FREM1: variants seen among roughly 807,000 people sequenced by gnomAD.
The protein encoded by FREM1 is FRAS1-related extracellular matrix protein 1.
In FREM1, 220 loss-of-function variants were observed where a neutral mutation model predicts 210.1. The ratio of observed to expected loss-of-function variants is 1.05; its 90% confidence interval spans 0.94 to 1.17. FREM1 has a LOEUF of 1.17. FREM1 is among the 50% of genes most tolerant of loss of function. The probability of loss-of-function intolerance (pLI) is 0.00; values close to 1 mark genes in which losing one functional copy is unlikely to be tolerated. For missense variants in FREM1, 3,454 were observed against 2,675.5 expected, an observed-to-expected ratio of 1.29 and a Z score of -6.42; for synonymous variants, 1,189 against 980.2, an observed-to-expected ratio of 1.21 and a Z score of -3.98.
chr9:14,860,845 A>ATATATACGTATATACGTATATATACG, intron 3 of FREM1, among the ~76,000 whole-genome samples: 1 of 84,936 alleles, frequency 1.2e-5, no homozygotes. Context: ...GTATATATAC[A>ATATATACGTATATACGTATATATACG]TATATACGTA....
At chr9:14,799,075 T>A (rs147992549) in intron 20 of FREM1, among the ~76,000 whole-genome samples, 2 of 151,456 alleles carry the variant, frequency 1.3e-5, no homozygotes, top group Non-Finnish European at 2.9e-5. Context: ...GCCCAGGAGT[T>A]CGAGACCAGC....
intron 1 of FREM1, among the ~76,000 whole-genome samples, chr9:14,906,175 A>G (rs1426588425): frequency 6.6e-6 from 1 of 152,262 alleles, no homozygotes; most frequent in Non-Finnish European, 1.5e-5. Flanking sequence ...TGAGGTAAGT[A>G]TCAATGACCT....
chr9:14,824,753 G>T (rs756703007), intron 11 of FREM1, 43 bp downstream of exon 11: 6 of 1,375,514 alleles, frequency 4.4e-6, no homozygotes, highest in Non-Finnish European at 3.1e-6. Context: ...TTTCAACTTT[G>T]CAATCCTAGA....
chr9:14,838,376 G>A (rs1299058549), intron 10 of FREM1, among the ~76,000 whole-genome samples: 2 of 152,124 alleles, frequency 1.3e-5, no homozygotes, highest in Non-Finnish European at 2.9e-5. Context: ...GACATGACTA[G>A]ATACTTGTCC....
At chr9:14,740,820 A>G (rs900072764) in intron 35 of FREM1, among the ~76,000 whole-genome samples, 3 of 152,170 alleles carry the variant, frequency 2.0e-5, no homozygotes, top group African/African-American at 7.2e-5. Context: ...CATATGTAAA[A>G]TATTTTTCAC....
At chr9:14,874,284 A>C (rs1833276843) in intron 1 of FREM1, among the ~76,000 whole-genome samples, 2 of 151,564 alleles carry the variant, frequency 1.3e-5, no homozygotes, top group Non-Finnish European at 2.9e-5. Context: ...GTCTCCCATT[A>C]TTATTGTGTG....
intron 24 of FREM1, among the ~76,000 whole-genome samples, chr9:14,779,101 T>C (rs1274766130): frequency 2.0e-5 from 3 of 152,140 alleles, no homozygotes; most frequent in Admixed American, 6.5e-5. Context: ...GATCCTATCA[T>C]CTGACCCACA....
At chr9:14,756,323 A>AC (rs910401390) in intron 29 of FREM1, 51 bp downstream of exon 29, 2 of 1,420,852 alleles carry the variant, frequency 1.4e-6, no homozygotes, top group African/African-American at 1.4e-5. Context: ...ATGCCTACAA[A>AC]AAAAAACAAA....
chr9:14,776,397 C>G lies in FREM1; in HGVS notation c.4443-194G>C, dbSNP rs1346797996. 7 of 502,780 alleles carry G rather than the reference C, an allele frequency of 1.4e-5. No homozygotes were observed. In the East Asian group the frequency reaches 2.1e-4, roughly 15 times the overall value. 31.1% of individuals were successfully genotyped at this position (502,780 alleles called of 1,614,324 possible). A position where few individuals can be genotyped will look rare whatever the true frequency, so the allele number is the denominator to read the frequency against. Reference sequence around the variant, plus strand: ...TAGAGTAATGCATAAATGGACCATTCTACACCCAAGAATATTTTCCCAACA... The same window carrying G: ...TAGAGTAATGCATAAATGGACCATTGTACACCCAAGAATATTTTCCCAACA... On this transcript the variant is annotated intron_variant, in intron 24 of 36. Coordinates refer to ENST00000380880, the MANE Select transcript of FREM1 (RefSeq NM_001379081.2).
chr9:14,874,363 C>T lies in FREM1; in HGVS notation c.-267-5119G>A, dbSNP rs1230985955. On this transcript the variant is annotated intron_variant, in intron 1 of 36. Coordinates refer to ENST00000380880, the MANE Select transcript of FREM1 (RefSeq NM_001379081.2). ...AATCTGGGTGCTCCTGTATTGGGTG[C>T]ATATATATTTAGGATAGTTAGCTCT... Among the ~76,000 whole-genome samples, 4 of 150,558 alleles carry T rather than the reference C, an allele frequency of 2.7e-5. No individual in the cohort carries two copies. In the East Asian group the frequency reaches 5.8e-4, roughly 22 times the overall value.
At chr9:14,833,114 G>A (rs1196302589) in intron 10 of FREM1, among the ~76,000 whole-genome samples, 13 of 152,058 alleles carry the variant, frequency 8.5e-5, no homozygotes, top group Non-Finnish European at 4.4e-5. Flanking sequence ...TCAGTGCCTG[G>A]GTAAGGGCCA....
At chr9:14,774,752 T>C (rs1848268820) in intron 25 of FREM1, among the ~76,000 whole-genome samples, 1 of 152,160 alleles carries the variant, frequency 6.6e-6, no homozygotes. Context: ...AAACACATTA[T>C]GCCCTCCAGG....
chr9:14,770,660 G>A lies in FREM1; in HGVS notation c.5004C>T (p.Ile1668=). 1 of 1,612,998 alleles carries A rather than the reference G, an allele frequency of 6.2e-7. No homozygotes were observed. Among genetic ancestry groups the A allele is most frequent in the South Asian group, 1.1e-5 (1 of 91,058 alleles). Residue 1668 remains isoleucine (I), a synonymous_variant, in exon 26 of 37, where the codon ATC becomes ATT. Coordinates refer to ENST00000380880, the MANE Select transcript of FREM1 (RefSeq NM_001379081.2). ...TTGGGCCTTGTAGAATTTTAAAGAT[G>A]ATCTGATCGTCCTCAGTGTCAGGGT... The part of the protein sequence containing the change: ...ASDPDTEDDQ[I]IFKILQGPKH...
chr9:14,770,041 C>T (rs1444733160), intron 26 of FREM1, among the ~76,000 whole-genome samples, 173 bp from the exon 27 acceptor site: 1 of 151,920 alleles, frequency 6.6e-6, no homozygotes. Flanking sequence ...ATGCAGCGAG[C>T]TTAAATTAGG....
At chr9:14,886,384 C>CAA (rs60702421) in intron 1 of FREM1, among the ~76,000 whole-genome samples, 2,838 of 58,608 alleles carry the variant, frequency 0.048, 105 homozygotes, top group East Asian at 0.087. Flanking sequence ...GACTCCGACT[C>CAA]AAAAAAAAAA....
intron 24 of FREM1, among the ~76,000 whole-genome samples, chr9:14,780,433 G>GAAAAAAAA (rs58017285): frequency 2.3e-4 from 19 of 81,544 alleles, no homozygotes; most frequent in Admixed American, 7.0e-4. Context: ...CAGCTCCTCA[G>GAAAAAAAA]AAAAAAAAAA....
At chr9:14,746,890 T>A in intron 34 of FREM1, 33 bp downstream of exon 34, 1 of 1,606,602 alleles carries the variant, frequency 6.2e-7, no homozygotes, top group Non-Finnish European at 8.5e-7. Context: ...ACATTGCGAA[T>A]AAAGGTGCTT....
chr9:14,861,119 A>G (rs1185712198), intron 3 of FREM1, among the ~76,000 whole-genome samples: 1 of 102,508 alleles, frequency 9.8e-6, no homozygotes, highest in Non-Finnish European at 1.8e-5. Context: ...ACATATATAT[A>G]CATATATACA....
intron 15 of FREM1, 128 bp from the exon 16 acceptor site, chr9:14,813,192 T>C (rs1421705880): frequency 8.7e-6 from 9 of 1,038,472 alleles, no homozygotes; most frequent in African/African-American, 3.2e-5. Flanking sequence ...ACAACAGCCG[T>C]GAAATTTGGC....
Sources: gnomAD v4.1 joint callset for allele counts (sites outside exome capture counted in the v4.1 genomes callset) on GRCh38, gnomAD v4.1.1 for gene constraint, MANE v1.5 for transcripts, NCBI Gene and HGNC (gene_info 2026-07-23, HGNC 2026-07-21) for gene names.